The following CSMD1 variants were observed in gnomAD, a reference collection of about 807,000 sequenced individuals.
The protein encoded by CSMD1 is CUB and sushi domain-containing protein 1.
Under a neutral mutation model 417.5 loss-of-function variants are expected in CSMD1, and 213 were observed. That is an observed-to-expected ratio of 0.51 (90% CI 0.46 to 0.57). CSMD1 has a LOEUF of 0.57. Ranked by LOEUF, CSMD1 falls within the 20% of genes least tolerant of loss-of-function variation. The probability of loss-of-function intolerance (pLI) is 0.00; values close to 1 mark genes in which losing one functional copy is unlikely to be tolerated. For missense variants in CSMD1, 6,923 were observed against 4,529.7 expected, an observed-to-expected ratio of 1.53 and a Z score of -15.17; for synonymous variants, 2,862 against 1,736.8, an observed-to-expected ratio of 1.65 and a Z score of -16.11.
intron 3 of CSMD1, among the ~76,000 whole-genome samples, chr8:4,154,906 A>G (rs1179860622): frequency 2.6e-5 from 4 of 152,178 alleles, no homozygotes; most frequent in Non-Finnish European, 2.9e-5. Context: ...GAAGTGATAC[A>G]TTTTTCTAAA....
At chr8:3,751,229 T>C (rs766660543) in intron 6 of CSMD1, among the ~76,000 whole-genome samples, 4 of 151,858 alleles carry the variant, frequency 2.6e-5, no homozygotes, top group Non-Finnish European at 5.9e-5. Context: ...CTTGATACCT[T>C]CATACCTTTT....
At position 2,974,516 on chromosome 8, in the gene CSMD1, A is replaced by T. The variant is rs373809060; in HGVS notation, c.8675T>A (p.Ile2892Lys). 2 of 1,613,658 alleles carry T rather than the reference A, an allele frequency of 1.2e-6. No individual in the cohort carries two copies. Among genetic ancestry groups the T allele is most frequent in the Non-Finnish European group, 8.5e-7 (1 of 1,179,736 alleles). The change falls in exon 56 of 70, where the codon ATA (isoleucine) becomes AAA (lysine). Residue 2892 changes from isoleucine to lysine, a missense_variant. Physicochemically the swap from Ile to Lys is moderately radical, Grantham distance 102. Coordinates refer to ENST00000635120, the MANE Select transcript of CSMD1 (RefSeq NM_033225.6). Reference protein sequence around the residue: ...HYSCRGSESLIGNDTRVCQED... With the variant: ...HYSCRGSESLKGNDTRVCQED... Reference sequence around the variant, plus strand: ...CTGGCACACTCTCGTGTCGTTGCCTATGAGGCTCTCGCTCCCTCTGCAGGA... The same window carrying T: ...CTGGCACACTCTCGTGTCGTTGCCTTTGAGGCTCTCGCTCCCTCTGCAGGA...
rs573911449 is a variant in CSMD1, at chr8:3,287,479, G to A, written c.3951-3133C>T. Among the ~76,000 whole-genome samples, 5 of 152,106 alleles carry A rather than the reference G, an allele frequency of 3.3e-5. No homozygotes were observed. In the East Asian group the frequency reaches 7.7e-4, roughly 24 times the overall value. On this transcript the variant is annotated intron_variant, in intron 25 of 69. Coordinates refer to ENST00000635120, the MANE Select transcript of CSMD1 (RefSeq NM_033225.6). Reference sequence around the variant, plus strand: ...TGTTTGTATCCTCTTTTATTTCCTTGAGCAGTGGTTTGTAGTTCTCCCTGA... The same window carrying A: ...TGTTTGTATCCTCTTTTATTTCCTTAAGCAGTGGTTTGTAGTTCTCCCTGA...
chr8:3,858,933 G>C (rs950854273), intron 5 of CSMD1, among the ~76,000 whole-genome samples: 12 of 152,164 alleles, frequency 7.9e-5, no homozygotes, highest in African/African-American at 2.9e-4. Context: ...GTTGGTTGAA[G>C]TCAGTTTCAG....
At chr8:3,279,566 G>C (rs1274429065) in intron 26 of CSMD1, among the ~76,000 whole-genome samples, 2 of 152,082 alleles carry the variant, frequency 1.3e-5, no homozygotes, top group African/African-American at 2.4e-5. Flanking sequence ...CCTAAGGTTG[G>C]GTTTGGAAAT....
At chr8:3,228,880 C>G (rs1020634134) in intron 27 of CSMD1, among the ~76,000 whole-genome samples, 2 of 151,984 alleles carry the variant, frequency 1.3e-5, no homozygotes, top group Admixed American at 1.3e-4. Flanking sequence ...AGAAACACGC[C>G]GAAATCTCTG....
intron 2 of CSMD1, among the ~76,000 whole-genome samples, chr8:4,626,163 G>A (rs1413228071): frequency 6.6e-6 from 1 of 152,146 alleles, no homozygotes; most frequent in Non-Finnish European, 1.5e-5. Context: ...ATTTTAGGAA[G>A]TTTTCAGCAG....
intron 5 of CSMD1, among the ~76,000 whole-genome samples, chr8:3,865,245 C>T (rs1315471122): frequency 4.6e-5 from 7 of 152,208 alleles, no homozygotes; most frequent in Non-Finnish European, 7.3e-5. Context: ...CAACTACCAA[C>T]CAAGTAGGGA....
rs1288363232 is a variant in CSMD1 at position 4,855,106 on chromosome 8, C to A, written c.85+139226G>T. 5.9e-5 allele frequency among the ~76,000 whole-genome samples: 9 copies of A among 152,008 alleles called. No individual in the cohort carries two copies. In the South Asian group the frequency reaches 6.3e-4, roughly 11 times the overall value. On this transcript the variant is annotated intron_variant, in intron 1 of 69. Coordinates refer to ENST00000635120, the MANE Select transcript of CSMD1 (RefSeq NM_033225.6). ...TGCCTCCTCAAGTGGGTCCCTGACC[C>A]CTGACCCCCGAGCAGCCTAACTGGG...
intron 3 of CSMD1, among the ~76,000 whole-genome samples, chr8:4,312,931 T>C (rs1798712476): frequency 6.6e-6 from 1 of 152,120 alleles, no homozygotes; most frequent in Non-Finnish European, 1.5e-5. Flanking sequence ...TTGGCATAAA[T>C]AATTTGGAAG....
In CSMD1 at chr8:3,000,049, G is replaced by A. The variant is rs377097631; in HGVS notation, c.8112C>T (p.Tyr2704=). The stretch of plus-strand genomic sequence containing the variant: ...CAAGCCGGAAACCAGGATTGCACTG[G>A]TAAACCACCGTGTCTCTGTAACTGA... ...DGFSYRDTVV[Y]QCNPGFRLVG... is the part of the protein sequence containing the mutation. Residue 2704 remains tyrosine, a synonymous_variant, in exon 53 of 70, where the codon TAC becomes TAT. Coordinates refer to ENST00000635120, the MANE Select transcript of CSMD1 (RefSeq NM_033225.6). 7 of 1,604,710 alleles carry A rather than the reference G, an allele frequency of 4.4e-6. No individual in the cohort carries two copies. Among genetic ancestry groups the A allele is most frequent in the African/African-American group, 2.8e-5 (2 of 72,394 alleles).
chr8:3,792,558 G>C (rs1563084286), intron 5 of CSMD1, among the ~76,000 whole-genome samples: 3 of 152,082 alleles, frequency 2.0e-5, no homozygotes, highest in South Asian at 2.1e-4. Context: ...AGTAACTTTG[G>C]AATTGACTCC....
At chr8:3,197,626 C>T (rs6558733) in intron 33 of CSMD1, among the ~76,000 whole-genome samples, 31,235 of 151,090 alleles carry the variant, frequency 0.21, 3,084 homozygotes, top group South Asian at 0.3. Flanking sequence ...CCACCACGCC[C>T]GGCTAATTTT....
chr8:3,348,157 T>A lies in CSMD1; in HGVS notation c.3309A>T (p.Glu1103Asp), dbSNP rs1808136969. 6.2e-7 allele frequency: 1 copy of A among 1,611,444 alleles called. No homozygotes were observed. The highest frequency in any genetic ancestry group is 8.5e-7 in the Non-Finnish European group (1 of 1,178,714). ...WSAPLPRCVA[E>D]CGASVKGNEG... Reference sequence around the variant, plus strand: ...CATTTCCTTTGACACTTGCTCCACATTCGGCTACAATAAATAGGACATGAG... The same window carrying A: ...CATTTCCTTTGACACTTGCTCCACAATCGGCTACAATAAATAGGACATGAG... Residue 1103 changes from glutamate to aspartate, a missense_variant, in exon 22 of 70, where the codon GAA becomes GAT. By Grantham distance (45) the Glu-to-Asp change is conservative. Transcript: ENST00000635120.
chr8:3,851,361 GC>G (rs1200359124), intron 5 of CSMD1, among the ~76,000 whole-genome samples: 1 of 152,146 alleles, frequency 6.6e-6, no homozygotes, highest in Non-Finnish European at 1.5e-5. Context: ...TCCCCAAATG[GC>G]CATCCCTGAA....
chr8:3,330,553 C>G (rs777748169), intron 23 of CSMD1, among the ~76,000 whole-genome samples: 1 of 152,140 alleles, frequency 6.6e-6, no homozygotes, highest in Admixed American at 6.5e-5. Flanking sequence ...GGTGTGAACT[C>G]ATGAACACAA....
At chr8:3,870,908 T>A (rs1213840192) in intron 5 of CSMD1, among the ~76,000 whole-genome samples, 2 of 152,092 alleles carry the variant, frequency 1.3e-5, no homozygotes, top group African/African-American at 4.8e-5. Context: ...CTTTTCTTCT[T>A]TTATTGCATG....
At chr8:4,053,879 T>G (rs1798560665) in intron 3 of CSMD1, among the ~76,000 whole-genome samples, 1 of 152,224 alleles carries the variant, frequency 6.6e-6, no homozygotes, top group South Asian at 2.1e-4. Flanking sequence ...ATGAAATTAG[T>G]TGCTATAATT....
At chr8:2,974,062 G>GCT (rs1804703069) in intron 56 of CSMD1, among the ~76,000 whole-genome samples, 1 of 149,332 alleles carries the variant, frequency 6.7e-6, no homozygotes, top group Non-Finnish European at 1.5e-5. Flanking sequence ...GGTAGAGGAT[G>GCT]GTGGTAGAGG....
Sources: gnomAD v4.1 joint callset for allele counts (sites outside exome capture counted in the v4.1 genomes callset) on GRCh38, gnomAD v4.1.1 for gene constraint, MANE v1.5 for transcripts, NCBI Gene and HGNC (gene_info 2026-07-23, HGNC 2026-07-21) for gene names.